The following PCDHA11 variants were observed in gnomAD, a reference collection of about 807,000 sequenced individuals.
The protein encoded by PCDHA11 is protocadherin alpha 11, also known as protocadherin alpha-11.
Under a neutral mutation model 70.3 loss-of-function variants are expected in PCDHA11, and 61 were observed. That is an observed-to-expected ratio of 0.87 (90% CI 0.71 to 1.07). The LOEUF is 1.07. Ranked by LOEUF, PCDHA11 falls within the 50% of genes least tolerant of loss-of-function variation. The pLI, the probability that PCDHA11 is intolerant of heterozygous loss-of-function variation, is 0.00. For synonymous variants in PCDHA11, 633 were observed against 555.1 expected (o/e 1.14, Z -1.97); for missense variants, 1,324 against 1,237.5 (o/e 1.07, Z -1.05).
At chr5:140,954,356 CCA>C (rs1251664193) in intron 1 of PCDHA11, among the ~76,000 whole-genome samples, 1 of 152,152 alleles carries the variant, frequency 6.6e-6, no homozygotes, top group Non-Finnish European at 1.5e-5. Flanking sequence ...TGAGGAATCG[CCA>C]CACAGTCTCC....
At chr5:140,937,329 G>T (rs1406340473) in intron 1 of PCDHA11, among the ~76,000 whole-genome samples, 1 of 152,050 alleles carries the variant, frequency 6.6e-6, no homozygotes, top group Admixed American at 6.5e-5. Flanking sequence ...GAGCCACCGC[G>T]CCCGGCTTCT....
rs1554214040 is a variant in PCDHA11, at chr5:140,941,214, C to CCTTCCTTTCTTTCTTTCTTTCTTTCTTT, written c.2392-37732_2392-37731insCCTTTCTTTCTTTCTTTCTTTCTTTCTT. Reference sequence around the variant, plus strand: ...TTTTTTCTTTCTTCCTTTCTTTCTTCCTTTCTTTCTTTCTTTCTTTCTTTC... The same window carrying CCTTCCTTTCTTTCTTTCTTTCTTTCTTT: ...TTTTTTCTTTCTTCCTTTCTTTCTTCCTTCCTTTCTTTCTTTCTTTCTTTCTTTCTTTCTTTCTTTCTTTCTTTCTTTC... On this transcript the variant is annotated intron_variant, in intron 1 of 3. Transcript: ENST00000398640. Among the ~76,000 whole-genome samples, 25 of 122,492 alleles carry CCTTCCTTTCTTTCTTTCTTTCTTTCTTT rather than the reference C, an allele frequency of 2.0e-4. 1 individual carries two copies. Among genetic ancestry groups the CCTTCCTTTCTTTCTTTCTTTCTTTCTTT allele is most frequent in the East Asian group, 4.6e-4 (2 of 4,322 alleles). The allele number at this position is 122,492 out of a possible 152,430, so 80.4% of individuals were successfully genotyped here.
At position 140,897,557 on chromosome 5, in the gene PCDHA11, A is replaced by G. The variant is rs2066188249; in HGVS notation, c.2391+26063A>G. Reference sequence around the variant, plus strand: ...GGCTGCATAGTCTTCCATGGTGTATATGTGCCACATTTTCTTAATCCAGTC... The same window carrying G: ...GGCTGCATAGTCTTCCATGGTGTATGTGTGCCACATTTTCTTAATCCAGTC... On this transcript the variant is annotated intron_variant, in intron 1 of 3. Coordinates refer to ENST00000398640, the MANE Select transcript of PCDHA11 (RefSeq NM_018902.5). Among the ~76,000 whole-genome samples, 4 of 151,994 alleles carry G rather than the reference A, an allele frequency of 2.6e-5. No individual in the cohort carries two copies. The South Asian group carries it at 8.3e-4, about 32-fold the overall frequency.
intron 1 of PCDHA11, chr5:140,883,064 G>A (rs2059422329): frequency 1.2e-6 from 2 of 1,614,096 alleles, no homozygotes; most frequent in Non-Finnish European, 1.7e-6. Context: ...CAAGCTAAAT[G>A]CCACAGATCC....
At chr5:140,998,721 C>G (rs987484967) in intron 3 of PCDHA11, among the ~76,000 whole-genome samples, 1 of 152,084 alleles carries the variant, frequency 6.6e-6, no homozygotes, top group Non-Finnish European at 1.5e-5. Context: ...TGCACCACCA[C>G]GCTAGGCTAA....
Position 140,870,153 on chromosome 5 carries a change from C to T in PCDHA11, c.1050C>T (p.Ala350=), listed in dbSNP as rs537593818. 3.1e-6 allele frequency: 5 copies of T among 1,613,972 alleles called. No individual in the cohort carries two copies. The East Asian group carries it at 8.9e-5, about 29-fold the overall frequency. The change falls in exon 1 of 4, where the codon GCC becomes GCT. Residue 350 remains alanine, a synonymous_variant. Transcript: ENST00000398640. ...CCAACGATAACTCTCCTGAAGTCGC[C>T]GTGACTTCCTTGTCCCTCCCAGTAC... ...LDTNDNSPEV[A]VTSLSLPVRE...
At chr5:140,966,874 A>C (rs782520756) in intron 1 of PCDHA11, 275 of 1,584,454 alleles carry the variant, frequency 1.7e-4, no homozygotes, top group Non-Finnish European at 2.3e-4. Flanking sequence ...TGCTGCTGCT[A>C]CCTGGCCCTG....
intron 1 of PCDHA11, among the ~76,000 whole-genome samples, chr5:140,959,893 T>A (rs782431808): frequency 6.6e-6 from 1 of 152,194 alleles, no homozygotes; most frequent in Non-Finnish European, 1.5e-5. Flanking sequence ...CGAGTGGGAT[T>A]TATATCAGAA....
At chr5:140,877,862 A>T (rs1554170193) in intron 1 of PCDHA11, 1 of 1,505,068 alleles carries the variant, frequency 6.6e-7, no homozygotes, top group East Asian at 2.4e-5. Flanking sequence ...TATTATTTAG[A>T]TATATTTGTT....
In PCDHA11 at chr5:140,870,903, A is replaced by C. The variant is rs182770106; in HGVS notation, c.1800A>C (p.Ser600=). The change falls in exon 1 of 4, where the codon TCA becomes TCC. Residue 600 remains serine (S), a synonymous_variant. Transcript: ENST00000398640. ...VAKVRAVDAD[S]GYNAWLSYEL... ...AGGTGCGCGCAGTGGATGCGGACTCAGGCTACAACGCGTGGCTTTCATATG... is the reference window on the plus strand; with the variant it reads ...AGGTGCGCGCAGTGGATGCGGACTCCGGCTACAACGCGTGGCTTTCATATG... 3.9e-4 allele frequency: 622 copies of C among 1,613,930 alleles called. 2 individuals carry two copies. The highest frequency in any genetic ancestry group is 2.8e-3 in the Middle Eastern group (17 of 6,060).
At chr5:140,951,767 G>A (rs561938687) in intron 1 of PCDHA11, among the ~76,000 whole-genome samples, 2 of 152,160 alleles carry the variant, frequency 1.3e-5, no homozygotes, top group South Asian at 2.1e-4. Context: ...ATCTCATGAC[G>A]TTCTTACATT....
intron 1 of PCDHA11, chr5:140,968,189 TC>T: frequency 6.2e-7 from 1 of 1,614,034 alleles, no homozygotes; most frequent in Non-Finnish European, 8.5e-7. Context: ...GGACTCCTAT[TC>T]CATCTACATA....
intron 1 of PCDHA11, among the ~76,000 whole-genome samples, chr5:140,909,449 A>G (rs1301796561): frequency 1.3e-5 from 2 of 152,218 alleles, no homozygotes; most frequent in African/African-American, 4.8e-5. Flanking sequence ...GTCATTCTCC[A>G]AGATCCATCT....
chr5:140,968,868 A>G, intron 1 of PCDHA11: 6 of 1,614,140 alleles, frequency 3.7e-6, no homozygotes, highest in Non-Finnish European at 5.1e-6. Flanking sequence ...CCTCGGACAT[A>G]CTCTGAAATT....
intron 3 of PCDHA11, among the ~76,000 whole-genome samples, chr5:140,989,404 A>G (rs2097341135): frequency 6.6e-6 from 1 of 152,134 alleles, no homozygotes; most frequent in Non-Finnish European, 1.5e-5. Flanking sequence ...GAGGGTGGAG[A>G]GTCTGCACTT....
intron 1 of PCDHA11, among the ~76,000 whole-genome samples, chr5:140,962,851 C>T (rs2095713637): frequency 1.3e-5 from 2 of 152,114 alleles, no homozygotes; most frequent in South Asian, 4.1e-4. Flanking sequence ...ATAACTTGTG[C>T]TCGGTTTGTA....
chr5:140,915,966 T>C (rs1420384919), intron 1 of PCDHA11, among the ~76,000 whole-genome samples: 1 of 152,160 alleles, frequency 6.6e-6, no homozygotes, highest in Non-Finnish European at 1.5e-5. Flanking sequence ...ATTTGCCTGA[T>C]ATTTTATTTG....
At chr5:140,944,241 G>A (rs2093630107) in intron 1 of PCDHA11, among the ~76,000 whole-genome samples, 1 of 152,196 alleles carries the variant, frequency 6.6e-6, no homozygotes, top group African/African-American at 2.4e-5. Context: ...AGGCTGGAGT[G>A]CAGTGATGTG....
rs1554163812 is a variant in PCDHA11 at position 140,870,100 on chromosome 5, T to C, written c.997T>C (p.Cys333Arg). 2 of 1,613,914 alleles carry C rather than the reference T, an allele frequency of 1.2e-6. No homozygotes were observed. The highest frequency in any genetic ancestry group is 3.3e-5 in the Admixed American group (2 of 60,032). Residue 333 changes from cysteine (C) to arginine (R), a missense_variant, in exon 1 of 4, where the codon TGT becomes CGT. Cys to Arg is a radical substitution (Grantham distance 180, BLOSUM62 -3). Transcript: ENST00000398640. The stretch of plus-strand genomic sequence containing the variant: ...GGGGACTCCCCCAATGGCAGGTCAC[T>C]GTACAGTCTGGGTGGAAATCTTGGA... Reference protein sequence around the residue: ...DKGTPPMAGHCTVWVEILDTN... With the variant: ...DKGTPPMAGHRTVWVEILDTN...
Sources: allele counts gnomAD v4.1 joint callset (sites outside exome capture counted in the v4.1 genomes callset), GRCh38; gene constraint gnomAD v4.1.1; transcripts MANE v1.5; gene names NCBI Gene and HGNC (gene_info 2026-07-23, HGNC 2026-07-21).